EVA1A: variants seen among roughly 807,000 people sequenced by gnomAD.
The protein encoded by EVA1A is eva-1 homolog A, regulator of programmed cell death, also known as protein eva-1 homolog A.
Under a neutral mutation model 9.8 loss-of-function variants are expected in EVA1A, and 7 were observed. That is an observed-to-expected ratio of 0.71 (90% confidence interval 0.41 to 1.34). The LOEUF (loss-of-function observed/expected upper bound fraction) is 1.34, where lower values mean the gene tolerates loss of function less well. EVA1A is among the 40% of genes most tolerant of loss of function. The pLI is 0.01. For synonymous variants in EVA1A, 90 were observed against 85.6 expected (o/e 1.05, Z -0.28); for missense variants, 206 against 205.9 (o/e 1.00, Z 0.00).
chr2:75,536,834 C>A (rs1387663944), intron 1 of EVA1A, among the ~76,000 whole-genome samples: 2 of 151,786 alleles, frequency 1.3e-5, no homozygotes, highest in Non-Finnish European at 1.5e-5. Flanking sequence ...CAAAAAAAAA[C>A]AACTTCAGGC....
chr2:75,504,409 TCAAACAAACAAA>T (rs551410332), intron 3 of EVA1A, among the ~76,000 whole-genome samples: 1 of 151,974 alleles, frequency 6.6e-6, no homozygotes, highest in Non-Finnish European at 1.5e-5. Flanking sequence ...AGACTCTGCC[TCAAACAAACAAA>T]CAAACAAACA....
intron 1 of EVA1A, among the ~76,000 whole-genome samples, chr2:75,530,249 C>A (rs567369547): frequency 6.6e-6 from 1 of 151,422 alleles, no homozygotes; most frequent in South Asian, 2.1e-4. Flanking sequence ...AAGATTGAAA[C>A]AATAACAAAA....
chr2:75,568,042 A>G (rs573446000), intron 1 of EVA1A, among the ~76,000 whole-genome samples: 1 of 152,298 alleles, frequency 6.6e-6, no homozygotes, highest in African/African-American at 2.4e-5. Flanking sequence ...CCAGAAGCAT[A>G]AGGTTTACTT....
At chr2:75,544,479 T>C (rs1676255452) in intron 1 of EVA1A, among the ~76,000 whole-genome samples, 1 of 152,222 alleles carries the variant, frequency 6.6e-6, no homozygotes, top group African/African-American at 2.4e-5. Flanking sequence ...AGGGCCATTC[T>C]ATTACTGCTT....
Position 75,518,184 on chromosome 2 carries a change from A to C in EVA1A, c.-44T>G. 1.9e-6 allele frequency: 3 copies of C among 1,605,402 alleles called. No individual in the cohort carries two copies. Among genetic ancestry groups the C allele is most frequent in the Non-Finnish European group, 1.7e-6 (2 of 1,176,904 alleles). Reference sequence around the variant, plus strand: ...CTCCTGGAGGTGCTTGGCTGAATCAACGTGGCCACTCTCCTTCTTCTCTTC... The same window carrying C: ...CTCCTGGAGGTGCTTGGCTGAATCACCGTGGCCACTCTCCTTCTTCTCTTC... On this transcript the variant is annotated 5_prime_UTR_variant, in exon 3 of 4. Coordinates refer to ENST00000393913, the MANE Select transcript of EVA1A (RefSeq NM_001135032.2).
At chr2:75,531,702 G>A (rs1382365181) in intron 1 of EVA1A, among the ~76,000 whole-genome samples, 2 of 152,160 alleles carry the variant, frequency 1.3e-5, no homozygotes, top group Non-Finnish European at 2.9e-5. Context: ...TTAAGTGGGA[G>A]CTAAGCTATG....
chr2:75,532,159 C>CAAAAAAAAAAAAAAAAAAA (rs543115764), intron 1 of EVA1A, among the ~76,000 whole-genome samples: 1 of 57,848 alleles, frequency 1.7e-5, no homozygotes, highest in African/African-American at 5.6e-5. Flanking sequence ...GACTCTGTCT[C>CAAAAAAAAAAAAAAAAAAA]AAAAAAAAAA....
In EVA1A at chr2:75,552,813, T is replaced by C. The variant is rs116576380; in HGVS notation, c.-192+7867A>G. 7.7e-3 allele frequency among the ~76,000 whole-genome samples: 1,175 copies of C among 152,302 alleles called. 9 individuals are homozygous for C. The highest frequency in any genetic ancestry group is 0.013 in the Admixed American group (205 of 15,300). Reference sequence around the variant, plus strand: ...AGTGTGGCTGGGAAGGAGGCTGAGATGTATCTGACTCCAAATCTCAGGCTT... The same window carrying C: ...AGTGTGGCTGGGAAGGAGGCTGAGACGTATCTGACTCCAAATCTCAGGCTT... On this transcript the variant is annotated intron_variant, in intron 1 of 3. Coordinates refer to ENST00000393913, the MANE Select transcript of EVA1A (RefSeq NM_001135032.2).
intron 1 of EVA1A, among the ~76,000 whole-genome samples, chr2:75,538,600 C>T (rs931850334): frequency 5.3e-5 from 8 of 152,126 alleles, no homozygotes; most frequent in African/African-American, 1.7e-4. Flanking sequence ...ATACATCCTT[C>T]GAAGAGTAAA....
intron 1 of EVA1A, among the ~76,000 whole-genome samples, chr2:75,544,630 T>G (rs1358792763): frequency 2.0e-5 from 3 of 152,074 alleles, no homozygotes; most frequent in Non-Finnish European, 2.9e-5. Context: ...GAAAAAAAAA[T>G]TAACAACATA....
At chr2:75,522,078 G>T (rs1174812432) in intron 2 of EVA1A, among the ~76,000 whole-genome samples, 3 of 152,074 alleles carry the variant, frequency 2.0e-5, no homozygotes, top group African/African-American at 7.2e-5. Context: ...TTGTAAATAA[G>T]TGTACTCTAC....
At chr2:75,518,338 A>AT (rs1675089971) in intron 2 of EVA1A, 130 bp from the exon 3 acceptor site, 1 of 1,017,072 alleles carries the variant, frequency 9.8e-7, no homozygotes, top group Non-Finnish European at 1.4e-6. Flanking sequence ...GGCTTTGGAA[A>AT]CTACAGACCC....
intron 3 of EVA1A, 179 bp downstream of exon 3, chr2:75,517,877 A>G (rs1017460687): frequency 7.8e-6 from 6 of 772,748 alleles, no homozygotes; most frequent in Non-Finnish European, 1.4e-5. Context: ...AAATTAGAGA[A>G]TGACAAGCTT....
chr2:75,562,388 G>C (rs1676944584), upstream of EVA1A, among the ~76,000 whole-genome samples: 1 of 152,126 alleles, frequency 6.6e-6, no homozygotes, highest in Non-Finnish European at 1.5e-5. Context: ...GAGAGCCACT[G>C]TTTCAGACTT....
chr2:75,518,170 G>T lies in EVA1A; in HGVS notation c.-30C>A. On this transcript the variant is annotated 5_prime_UTR_variant, in exon 3 of 4. Transcript: ENST00000393913. The stretch of plus-strand genomic sequence containing the variant: ...CATCCAGAGGGGACCTCCTGGAGGT[G>T]CTTGGCTGAATCAACGTGGCCACTC... 1 of 1,607,634 alleles carries T rather than the reference G, an allele frequency of 6.2e-7. No individual in the cohort carries two copies.
Position 75,550,013 on chromosome 2 carries a change from A to G in EVA1A, c.-192+10667T>C, listed in dbSNP as rs137956263. ...AGTCAAGCTTTTAACCCTCTATGGTATCTGCCTCTGGTCTGAACAAAAGAA... is the reference window on the plus strand; with the variant it reads ...AGTCAAGCTTTTAACCCTCTATGGTGTCTGCCTCTGGTCTGAACAAAAGAA... On this transcript the variant is annotated intron_variant, in intron 1 of 3. Coordinates refer to ENST00000393913, the MANE Select transcript of EVA1A (RefSeq NM_001135032.2). Among the ~76,000 whole-genome samples, 445 of 152,360 alleles carry G rather than the reference A, an allele frequency of 2.9e-3. 2 individuals are homozygous for G. Among genetic ancestry groups the G allele is most frequent in the African/African-American group, 0.011 (437 of 41,598 alleles).
chr2:75,500,516 A>C lies in EVA1A; in HGVS notation c.86-6907T>G, dbSNP rs373172760. ...AGTGATATTTATTCATGAGTACCTA[A>C]ATACATAAACAAATTGAGGGGAAAG... On this transcript the variant is annotated intron_variant, in intron 3 of 3. Coordinates refer to ENST00000393913, the MANE Select transcript of EVA1A (RefSeq NM_001135032.2). Among the ~76,000 whole-genome samples, 284 of 152,308 alleles carry C rather than the reference A, an allele frequency of 1.9e-3. 6 individuals are homozygous for C. The highest frequency in any genetic ancestry group is 6.6e-3 in the African/African-American group (275 of 41,572).
intron 3 of EVA1A, among the ~76,000 whole-genome samples, chr2:75,511,245 G>A (rs985960539): frequency 5.3e-5 from 8 of 152,228 alleles, no homozygotes; most frequent in Admixed American, 3.3e-4. Context: ...TTTCTCAGTT[G>A]ATAATTTACA....
chr2:75,522,970 T>C (rs573294862), intron 1 of EVA1A, among the ~76,000 whole-genome samples: 6 of 152,340 alleles, frequency 3.9e-5, no homozygotes, highest in Non-Finnish European at 8.8e-5. Flanking sequence ...TCCGACACCC[T>C]ATGCCTTCCT....
Sources: allele counts gnomAD v4.1 joint callset (sites outside exome capture counted in the v4.1 genomes callset), GRCh38; gene constraint gnomAD v4.1.1; transcripts MANE v1.5; gene names NCBI Gene and HGNC (gene_info 2026-07-23, HGNC 2026-07-21).